The following NWD2 variants were observed in gnomAD, a reference collection of about 807,000 sequenced individuals.
NWD2 encodes NACHT and WD repeat domain-containing protein 2.
A neutral mutation model predicts 132.7 loss-of-function variants in NWD2; 37 were observed. The observed-to-expected ratio is 0.28, with a 90% CI of 0.21 to 0.37. NWD2 has a LOEUF of 0.37. Among genes scored for constraint, NWD2 ranks in the 10% least tolerant of loss-of-function variants. The probability of loss-of-function intolerance (pLI) is 1.00; values close to 1 mark genes in which losing one functional copy is unlikely to be tolerated. For missense variants in NWD2, 1,592 were observed against 2,122.4 expected (o/e 0.75, Z 4.91); for synonymous variants, 705 against 803.0 (o/e 0.88, Z 2.06).
At chr4:37,372,500 G>A (rs1236632361) in intron 3 of NWD2, among the ~76,000 whole-genome samples, 2 of 152,194 alleles carry the variant, frequency 1.3e-5, no homozygotes, top group Admixed American at 6.5e-5. Context: ...TTTTCAATTT[G>A]TCTTCACTCA....
chr4:37,307,042 T>C (rs1393395189), intron 1 of NWD2, among the ~76,000 whole-genome samples: 1 of 150,284 alleles, frequency 6.7e-6, no homozygotes, highest in African/African-American at 2.5e-5. Context: ...AAAAAAAGAA[T>C]GTTCTATGTA....
chr4:37,332,609 C>A (rs988395982), intron 2 of NWD2, among the ~76,000 whole-genome samples: 2 of 152,196 alleles, frequency 1.3e-5, no homozygotes, highest in African/African-American at 4.8e-5. Context: ...TCGCCATGGG[C>A]CTTGGGTGAC....
chr4:37,245,801 G>A (rs1048964262), intron 1 of NWD2, among the ~76,000 whole-genome samples: 11 of 152,080 alleles, frequency 7.2e-5, no homozygotes, highest in African/African-American at 2.7e-4. Flanking sequence ...TTCGCGGTGG[G>A]GCGCGCAGGA....
At chr4:37,254,439 A>G (rs943785844) in intron 1 of NWD2, among the ~76,000 whole-genome samples, 5 of 152,164 alleles carry the variant, frequency 3.3e-5, no homozygotes, top group Admixed American at 2.0e-4. Flanking sequence ...ACTATAATAA[A>G]CCAGGCAGCT....
intron 1 of NWD2, among the ~76,000 whole-genome samples, chr4:37,259,735 C>T (rs56725421): frequency 0.16 from 24,521 of 152,106 alleles, 2,536 homozygotes; most frequent in South Asian, 0.32. Context: ...AGTTCCCACC[C>T]CTGGAGACCA....
chr4:37,318,475 G>C (rs1230377643), intron 1 of NWD2, among the ~76,000 whole-genome samples: 1 of 152,142 alleles, frequency 6.6e-6, no homozygotes, highest in Non-Finnish European at 1.5e-5. Context: ...GGACACATGT[G>C]CAGGTTTGTT....
chr4:37,395,428 T>C (rs1271271812), intron 3 of NWD2, among the ~76,000 whole-genome samples: 1 of 151,128 alleles, frequency 6.6e-6, no homozygotes, highest in Non-Finnish European at 1.5e-5. Context: ...AGACAGGTGC[T>C]ATCAAGACTC....
chr4:37,394,689 T>A (rs1720743952), intron 3 of NWD2, among the ~76,000 whole-genome samples: 1 of 152,002 alleles, frequency 6.6e-6, no homozygotes, highest in Non-Finnish European at 1.5e-5. Flanking sequence ...AACTAGTGTT[T>A]GCAGTAGAGA....
At chr4:37,441,488 T>G (rs1274734921) in intron 6 of NWD2, among the ~76,000 whole-genome samples, 1 of 152,196 alleles carries the variant, frequency 6.6e-6, no homozygotes, top group East Asian at 1.9e-4. Flanking sequence ...AGTCAAAGGT[T>G]CATGTGATGC....
At chr4:37,308,201 T>G (rs1354896921) in intron 1 of NWD2, among the ~76,000 whole-genome samples, 1 of 152,254 alleles carries the variant, frequency 6.6e-6, no homozygotes, top group African/African-American at 2.4e-5. Flanking sequence ...TATGTTAATA[T>G]CTGCACATCT....
intron 2 of NWD2, among the ~76,000 whole-genome samples, chr4:37,331,565 T>C (rs1008977698): frequency 6.6e-6 from 1 of 151,994 alleles, no homozygotes; most frequent in African/African-American, 2.4e-5. Flanking sequence ...CTTGAGTATT[T>C]CTGTACAATA....
intron 3 of NWD2, among the ~76,000 whole-genome samples, chr4:37,421,622 T>C (rs74837891): frequency 0.015 from 2,276 of 152,352 alleles, 58 homozygotes; most frequent in African/African-American, 0.052. Context: ...TTGTTAGCTC[T>C]CAAAGAAATG....
chr4:37,277,251 C>T (rs1426771068), intron 1 of NWD2, among the ~76,000 whole-genome samples: 1 of 151,826 alleles, frequency 6.6e-6, no homozygotes, highest in African/African-American at 2.4e-5. Context: ...TATGACATGT[C>T]CCGGTGTGAA....
At chr4:37,395,007 T>G (rs1319704334) in intron 3 of NWD2, among the ~76,000 whole-genome samples, 3 of 151,456 alleles carry the variant, frequency 2.0e-5, no homozygotes, top group Non-Finnish European at 2.9e-5. Flanking sequence ...GAGATGGGGT[T>G]TCACCATGTT....
At chr4:37,332,043 C>A (rs1719303855) in intron 2 of NWD2, among the ~76,000 whole-genome samples, 1 of 152,174 alleles carries the variant, frequency 6.6e-6, no homozygotes, top group Non-Finnish European at 1.5e-5. Flanking sequence ...TGAGTTTCAG[C>A]AAGCCGTGCC....
At chr4:37,321,921 A>G (rs1719077416) in intron 1 of NWD2, among the ~76,000 whole-genome samples, 1 of 152,194 alleles carries the variant, frequency 6.6e-6, no homozygotes, top group Non-Finnish European at 1.5e-5. Context: ...TTCTGCCACA[A>G]ACACAGAAAC....
chr4:37,304,474 T>C (rs548880506), intron 1 of NWD2, among the ~76,000 whole-genome samples: 2 of 152,292 alleles, frequency 1.3e-5, no homozygotes, highest in Non-Finnish European at 2.9e-5. Flanking sequence ...AATGTCTGAG[T>C]ACAAACTCTG....
At chr4:37,396,453 C>T (rs1453204087) in intron 3 of NWD2, among the ~76,000 whole-genome samples, 1 of 152,208 alleles carries the variant, frequency 6.6e-6, no homozygotes, top group Non-Finnish European at 1.5e-5. Context: ...CTTATCCTGA[C>T]TTCATGGGCA....
At chr4:37,288,404 A>T (rs56394550) in intron 1 of NWD2, among the ~76,000 whole-genome samples, 23,735 of 152,248 alleles carry the variant, frequency 0.16, 2,360 homozygotes, top group South Asian at 0.31. Context: ...GCCTTCTGCA[A>T]ATGCCTCTTG....
Sources: allele counts gnomAD v4.1 joint callset (sites outside exome capture counted in the v4.1 genomes callset), GRCh38; gene constraint gnomAD v4.1.1; transcripts MANE v1.5; gene names NCBI Gene and HGNC (gene_info 2026-07-23, HGNC 2026-07-21).